The following DAAM1 variants were observed in gnomAD, a reference collection of about 807,000 sequenced individuals.
The protein encoded by DAAM1 is dishevelled associated activator of morphogenesis 1.
A neutral mutation model predicts 130.0 loss-of-function variants in DAAM1; 52 were observed. The ratio of observed to expected loss-of-function variants is 0.40; its 90% CI spans 0.32 to 0.50. The LOEUF (loss-of-function observed/expected upper bound fraction) is 0.50, where lower values mean the gene tolerates loss of function less well. DAAM1 is among the 20% of genes least tolerant of loss of function. The probability of loss-of-function intolerance (pLI) is 0.61; values close to 1 mark genes in which losing one functional copy is unlikely to be tolerated. For missense variants in DAAM1, 1,134 were observed against 1,303.8 expected (o/e 0.87, Z 2.01); for synonymous variants, 452 against 444.5 (o/e 1.02, Z -0.21).
At chr14:59,331,554 G>A (rs764374737) in intron 14 of DAAM1, 46 bp downstream of exon 14, 1 of 1,528,814 alleles carries the variant, frequency 6.5e-7, no homozygotes, top group East Asian at 2.3e-5. Flanking sequence ...AGCATTAGCA[G>A]CTCATTGTGT....
At chr14:59,223,755 A>G (rs1888851032) in intron 1 of DAAM1, among the ~76,000 whole-genome samples, 1 of 152,202 alleles carries the variant, frequency 6.6e-6, no homozygotes, top group African/African-American at 2.4e-5. Context: ...TGATGGTAGG[A>G]GGGGCCAAAT....
intron 1 of DAAM1, among the ~76,000 whole-genome samples, chr14:59,236,340 T>C (rs1276281017): frequency 6.6e-6 from 1 of 152,140 alleles, no homozygotes; most frequent in Admixed American, 6.6e-5. Flanking sequence ...CTGTTACTCA[T>C]CACACATGGT....
intron 1 of DAAM1, 132 bp from the exon 2 acceptor site, chr14:59,263,309 G>T: frequency 4.3e-6 from 3 of 702,938 alleles, no homozygotes; most frequent in East Asian, 5.5e-5. Context: ...ACTCGGTGTT[G>T]TTCTCTCTGT....
chr14:59,208,414 G>A (rs1400970607), intron 1 of DAAM1, among the ~76,000 whole-genome samples: 1 of 152,104 alleles, frequency 6.6e-6, no homozygotes. Context: ...TAACTTCATC[G>A]CTTTCAGCCA....
At chr14:59,324,043 A>T (rs1173934957) in intron 6 of DAAM1, 85 bp from the exon 7 acceptor site, 2 of 958,166 alleles carry the variant, frequency 2.1e-6, no homozygotes, top group East Asian at 5.9e-5. Flanking sequence ...AAAAAAAAAA[A>T]AGTTAACTTT....
intron 17 of DAAM1, among the ~76,000 whole-genome samples, chr14:59,348,890 C>T (rs1886181695): frequency 6.6e-6 from 1 of 152,162 alleles, no homozygotes; most frequent in South Asian, 2.1e-4. Context: ...TGGGGGAAAT[C>T]CCTCACATTT....
intron 15 of DAAM1, among the ~76,000 whole-genome samples, chr14:59,337,224 T>C (rs1467476738): frequency 6.6e-6 from 1 of 152,236 alleles, no homozygotes; most frequent in Non-Finnish European, 1.5e-5. Flanking sequence ...GAAAGGAAAC[T>C]GCTTTTACAG....
intron 1 of DAAM1, among the ~76,000 whole-genome samples, chr14:59,219,867 A>G (rs937937965): frequency 1.4e-4 from 21 of 152,122 alleles, no homozygotes; most frequent in African/African-American, 4.8e-4. Context: ...CTTTGGTGCC[A>G]CTTCTGGACA....
At chr14:59,236,389 C>T (rs1477701910) in intron 1 of DAAM1, among the ~76,000 whole-genome samples, 1 of 152,124 alleles carries the variant, frequency 6.6e-6, no homozygotes, top group African/African-American at 2.4e-5. Context: ...CTTCTTGCCT[C>T]TTCCTCTTGT....
chr14:59,349,607 A>G (rs1886210645), intron 17 of DAAM1, among the ~76,000 whole-genome samples: 1 of 152,172 alleles, frequency 6.6e-6, no homozygotes, highest in Non-Finnish European at 1.5e-5. Flanking sequence ...CCGATTTAGG[A>G]TGTGCCTGGT....
chr14:59,346,438 A>G (rs1886082800), intron 16 of DAAM1, among the ~76,000 whole-genome samples: 2 of 152,208 alleles, frequency 1.3e-5, no homozygotes, highest in African/African-American at 4.8e-5. Context: ...TTAATACGCC[A>G]CATTAGTTAT....
At chr14:59,291,012 G>T (rs1883716944) in intron 2 of DAAM1, among the ~76,000 whole-genome samples, 1 of 152,122 alleles carries the variant, frequency 6.6e-6, no homozygotes, top group South Asian at 2.1e-4. Flanking sequence ...CATCCCTCTT[G>T]CTGTGCCCCA....
At position 59,370,684 on chromosome 14, in the gene DAAM1, C is replaced by T. The variant is rs1887132822; in HGVS notation, c.*1825C>T. ...TCATAAATACAAAGCAGAGGTTGCA[C>T]TCCCCCAATCCCGAGTTAACCCAGG... On this transcript the variant is annotated 3_prime_UTR_variant, in exon 25 of 25. Transcript: ENST00000360909. The T allele has an allele frequency of 1.3e-5, 2 of 152,120 alleles. No homozygotes were observed. Among genetic ancestry groups the T allele is most frequent in the African/African-American group, 2.4e-5 (1 of 41,428 alleles). The allele number at this position is 152,120 out of a possible 1,614,324, so 9.4% of individuals were successfully genotyped here. A position where few individuals can be genotyped will look rare whatever the true frequency, so the allele number is the denominator to read the frequency against.
Position 59,324,373 on chromosome 14 carries a change from A to G in DAAM1, c.908A>G (p.His303Arg). Residue 303 changes from histidine (H) to arginine (R), a missense_variant, in exon 8 of 25, where the codon CAT becomes CGT. This residue lies in a region of DAAM1 where 391 missense variants were observed against 521.6 expected (regional missense o/e 0.75). Transcript: ENST00000360909. ...CAGGAGAGTTTGGACTTTAGACTTC[A>G]TCTTCGCTATGAATTTCTGATGTTA... Reference protein sequence around the residue: ...AGVESLDFRLHLRYEFLMLGI... With the variant: ...AGVESLDFRLRLRYEFLMLGI... The G allele has an allele frequency of 1.3e-6, 2 of 1,593,690 alleles. No individual in the cohort carries two copies. The highest frequency in any genetic ancestry group is 1.3e-5 in the African/African-American group (1 of 74,594).
In DAAM1 at chr14:59,340,113, C is replaced by G; in HGVS notation, c.2008C>G (p.Leu670Val). ...DAIDDTLSSK[L>V]KVKELSVIDG... ...CATTGATGACACTCTGAGTTCCAAACTTAAAGTTAAAGAGCTTTCGGTGAT... is the reference window on the plus strand; with the variant it reads ...CATTGATGACACTCTGAGTTCCAAAGTTAAAGTTAAAGAGCTTTCGGTGAT... The change falls in exon 16 of 25, where the codon CTT becomes GTT. Residue 670 changes from leucine (L) to valine (V), a missense_variant. By Grantham distance (32) the Leu-to-Val change is conservative. Coordinates refer to ENST00000360909, the MANE Select transcript of DAAM1 (RefSeq NM_001270520.2). 6.2e-7 allele frequency: 1 copy of G among 1,613,688 alleles called. No homozygotes were observed. The highest frequency in any genetic ancestry group is 8.5e-7 in the Non-Finnish European group (1 of 1,179,718).
chr14:59,334,454 C>T (rs1251871098), intron 15 of DAAM1, among the ~76,000 whole-genome samples: 1 of 152,128 alleles, frequency 6.6e-6, no homozygotes, highest in Non-Finnish European at 1.5e-5. Flanking sequence ...TTCCTCCCTC[C>T]AGAGTCATGA....
chr14:59,238,071 TG>T (rs1889357684), intron 1 of DAAM1, among the ~76,000 whole-genome samples: 1 of 152,174 alleles, frequency 6.6e-6, no homozygotes, highest in African/African-American at 2.4e-5. Context: ...GCCTTTCCTC[TG>T]TGTTTTATGT....
chr14:59,208,351 T>C (rs1356687811), intron 1 of DAAM1, among the ~76,000 whole-genome samples: 2 of 152,154 alleles, frequency 1.3e-5, no homozygotes, highest in Non-Finnish European at 2.9e-5. Context: ...CCAGCATTCC[T>C]TCCTAAGGAG....
At chr14:59,240,606 G>A (rs890096330) in intron 1 of DAAM1, among the ~76,000 whole-genome samples, 4 of 152,134 alleles carry the variant, frequency 2.6e-5, no homozygotes, top group Non-Finnish European at 5.9e-5. Flanking sequence ...ATCTATGCTG[G>A]CTTCATTTTG....
Sources: gnomAD v4.1 joint callset for allele counts (sites outside exome capture counted in the v4.1 genomes callset) on GRCh38, gnomAD v4.1.1 for gene constraint, gnomAD v4.1.1 regional missense constraint, MANE v1.5 for transcripts, NCBI Gene and HGNC (gene_info 2026-07-23, HGNC 2026-07-21) for gene names.